ALDH1L2: variants seen among roughly 807,000 people sequenced by gnomAD.
ALDH1L2 encodes the protein aldehyde dehydrogenase 1 family member L2.
A neutral mutation model predicts 111.0 loss-of-function variants in ALDH1L2; 91 were observed. The observed-to-expected ratio is 0.82, with a 90% CI of 0.69 to 0.98. ALDH1L2 has a LOEUF of 0.98. ALDH1L2 is among the 50% of genes least tolerant of loss of function. ALDH1L2 has a pLI of 0.00. For missense variants in ALDH1L2, 995 were observed against 1,126.8 expected, an observed-to-expected ratio of 0.88 and a Z score of 1.67; for synonymous variants, 374 against 392.6, an observed-to-expected ratio of 0.95 and a Z score of 0.56.
intron 3 of ALDH1L2, among the ~76,000 whole-genome samples, chr12:105,069,790 A>G (rs1321177492): frequency 6.6e-6 from 1 of 152,196 alleles, no homozygotes; most frequent in Non-Finnish European, 1.5e-5. Flanking sequence ...GGCCCACCTC[A>G]ACCCACAGTA....
chr12:105,062,848 T>A (rs750093095), intron 7 of ALDH1L2, 40 bp downstream of exon 7: 13 of 1,589,362 alleles, frequency 8.2e-6, no homozygotes. Context: ...TAGAAGAAAA[T>A]CAAAAGGTTA....
At chr12:105,063,480 A>AAC (rs578002670) in intron 6 of ALDH1L2, among the ~76,000 whole-genome samples, 2 of 45,642 alleles carry the variant, frequency 4.4e-5, no homozygotes, top group Non-Finnish European at 1.1e-4. Flanking sequence ...TGTCTCAAAG[A>AAC]AAAAAAAAAA....
Position 105,061,651 on chromosome 12 carries a change from C to A in ALDH1L2, c.1023G>T (p.Glu341Asp). ...CCTTGATGGTCTCTGCCACTTTCAC[C>A]TCTTCAGCTGTCAGTTCTACCACTG... The part of the protein sequence containing the change: ...ETSVVELTAE[E>D]VKVAETIKVI... Residue 341 changes from glutamate (E) to aspartate (D), a missense_variant, in exon 8 of 23, where the codon GAG becomes GAT. By Grantham distance (45) the Glu-to-Asp change is conservative. Transcript: ENST00000258494. 1 of 1,614,136 alleles carries A rather than the reference C, an allele frequency of 6.2e-7. No individual in the cohort carries two copies. The highest frequency in any genetic ancestry group is 1.1e-5 in the South Asian group (1 of 91,082).
intron 15 of ALDH1L2, among the ~76,000 whole-genome samples, chr12:105,046,193 CTATA>C (rs1555225141): frequency 1.8e-3 from 36 of 20,154 alleles, no homozygotes; most frequent in African/African-American, 2.5e-3. Context: ...CTCTCTCTCT[CTATA>C]TATATATATA....
At chr12:105,031,730 A>G in intron 20 of ALDH1L2, 39 bp downstream of exon 20, 1 of 1,594,294 alleles carries the variant, frequency 6.3e-7, no homozygotes, top group East Asian at 2.2e-5. Context: ...CAACTGAAGA[A>G]GGCGGGCACC....
chr12:105,028,028 T>G (rs1384920804), intron 21 of ALDH1L2, among the ~76,000 whole-genome samples: 1 of 152,210 alleles, frequency 6.6e-6, no homozygotes, highest in African/African-American at 2.4e-5. Context: ...TCATAGTGTA[T>G]GTACCTTCTT....
At position 105,024,031 on chromosome 12, in the gene ALDH1L2, C is replaced by G. The variant is rs1278820855; in HGVS notation, c.*393G>C. ...TATAGAAAATCTTTTTAATAACCCC[C>G]TATGTATAGTTCAGAGGTTAAAAAC... is the stretch of plus-strand genomic sequence containing the variant. On this transcript the variant is annotated 3_prime_UTR_variant, in exon 23 of 23. Transcript: ENST00000258494. The G allele has an allele frequency of 4.9e-6, 1 of 205,762 alleles. No homozygotes were observed. Among genetic ancestry groups the G allele is most frequent in the African/African-American group, 2.3e-5 (1 of 42,890 alleles). 12.7% of individuals were successfully genotyped at this position (205,762 alleles called of 1,614,324 possible). A position where few individuals can be genotyped will look rare whatever the true frequency, so the allele number is the denominator to read the frequency against.
chr12:105,069,455 C>G (rs1454461647), intron 3 of ALDH1L2, among the ~76,000 whole-genome samples: 1 of 152,174 alleles, frequency 6.6e-6, no homozygotes, highest in Non-Finnish European at 1.5e-5. Flanking sequence ...CAATCACTAA[C>G]TCTTCAGAAA....
chr12:105,077,190 AT>A (rs1335916971), intron 1 of ALDH1L2, among the ~76,000 whole-genome samples: 1 of 152,246 alleles, frequency 6.6e-6, no homozygotes, highest in Non-Finnish European at 1.5e-5. Context: ...TGTCTGTCGC[AT>A]TAGTGAGAAA....
chr12:105,024,402 C>A lies in ALDH1L2; in HGVS notation c.*22G>T. ...AGTTGTAAAGGGCTGTCTGTCAAGG[C>A]TTTCCTGATGATGGTGTTGCTCTAA... On this transcript the variant is annotated 3_prime_UTR_variant, in exon 23 of 23. Transcript: ENST00000258494. The A allele has an allele frequency of 7.4e-6, 12 of 1,613,492 alleles. No individual in the cohort carries two copies. The highest frequency in any genetic ancestry group is 1.0e-5 in the Non-Finnish European group (12 of 1,179,598).
At chr12:105,038,705 A>G (rs1482001483) in intron 17 of ALDH1L2, among the ~76,000 whole-genome samples, 5 of 152,178 alleles carry the variant, frequency 3.3e-5, no homozygotes, top group Non-Finnish European at 2.9e-5. Context: ...AAAGTTATTC[A>G]TAGATAAAAC....
chr12:105,065,228 T>G, intron 6 of ALDH1L2, 39 bp downstream of exon 6: 1 of 1,171,904 alleles, frequency 8.5e-7, no homozygotes, highest in Non-Finnish European at 1.2e-6. Flanking sequence ...AAGGTAATAA[T>G]CGGGGAGGGG....
At position 105,030,346 on chromosome 12, in the gene ALDH1L2, C is replaced by T. The variant is rs202013507; in HGVS notation, c.2494G>A (p.Val832Ile). The T allele has an allele frequency of 1.6e-5, 26 of 1,611,750 alleles. No individual in the cohort carries two copies. The highest frequency in any genetic ancestry group is 2.1e-5 in the Non-Finnish European group (25 of 1,178,820). ...AKEESFGPIM[V>I]ISKFQNGDID... is the part of the protein sequence containing the mutation. ...TACCCATTTTGGAATTTAGAAATGACCATAATAGGCCCAAAGGATTCCTCT... is the reference window on the plus strand; with the variant it reads ...TACCCATTTTGGAATTTAGAAATGATCATAATAGGCCCAAAGGATTCCTCT... Residue 832 changes from valine to isoleucine, a missense_variant, in exon 21 of 23, where the codon GTC becomes ATC. By Grantham distance (29) the Val-to-Ile change is conservative (BLOSUM62 3). Coordinates refer to ENST00000258494, the MANE Select transcript of ALDH1L2 (RefSeq NM_001034173.4).
At chr12:105,049,443 C>A (rs1262785328) in intron 13 of ALDH1L2, among the ~76,000 whole-genome samples, 1 of 152,162 alleles carries the variant, frequency 6.6e-6, no homozygotes, top group Non-Finnish European at 1.5e-5. Context: ...TCCTAAAATG[C>A]ATGTGCTGGA....
intron 19 of ALDH1L2, among the ~76,000 whole-genome samples, chr12:105,033,168 G>A (rs753594250): frequency 3.9e-5 from 6 of 152,204 alleles, no homozygotes; most frequent in Non-Finnish European, 5.9e-5. Flanking sequence ...CAGGGACCAT[G>A]TCTGCCTTGT....
chr12:105,027,147 T>A (rs993579547), intron 21 of ALDH1L2, among the ~76,000 whole-genome samples: 4 of 152,386 alleles, frequency 2.6e-5, no homozygotes, highest in Middle Eastern at 3.4e-3. Context: ...AGTGTTGGGA[T>A]TACAGGTGTG....
At position 105,040,631 on chromosome 12, in the gene ALDH1L2, C is replaced by A. The variant is rs140102957; in HGVS notation, c.1927G>T (p.Val643Phe). Residue 643 changes from valine (V) to phenylalanine (F), a missense_variant, in exon 16 of 23, where the codon GTC (valine) becomes TTC (phenylalanine). Val to Phe is a conservative substitution (Grantham distance 50). Coordinates refer to ENST00000258494, the MANE Select transcript of ALDH1L2 (RefSeq NM_001034173.4). The part of the protein sequence containing the change: ...LSVKAGFPKG[V>F]INIIPGSGGI... Reference sequence around the variant, plus strand: ...CCTGAGCCTGGAATGATGTTGATGACCCCCTTTGGAAAGCCTGCTTTCACA... The same window carrying A: ...CCTGAGCCTGGAATGATGTTGATGAACCCCTTTGGAAAGCCTGCTTTCACA... 5.5e-5 allele frequency: 89 copies of A among 1,613,964 alleles called. No homozygotes were observed. Among genetic ancestry groups the A allele is most frequent in the Non-Finnish European group, 4.7e-5 (56 of 1,179,994 alleles).
chr12:105,058,963 A>T (rs977065483), intron 9 of ALDH1L2, among the ~76,000 whole-genome samples: 3 of 152,098 alleles, frequency 2.0e-5, no homozygotes, highest in African/African-American at 7.2e-5. Context: ...CTAGCAAAAA[A>T]AAAAGTATTA....
chr12:105,075,019 A>G (rs1270152473), intron 1 of ALDH1L2, among the ~76,000 whole-genome samples: 4 of 152,336 alleles, frequency 2.6e-5, no homozygotes, highest in Non-Finnish European at 2.9e-5. Context: ...CCTCTTCTCA[A>G]AAAAATCAAA....
Sources: allele counts gnomAD v4.1 joint callset (sites outside exome capture counted in the v4.1 genomes callset), GRCh38; gene constraint gnomAD v4.1.1; transcripts MANE v1.5; gene names NCBI Gene and HGNC (gene_info 2026-07-23, HGNC 2026-07-21).